Variants in CDC42BPA observed in about 807,000 individuals in gnomAD.
CDC42BPA encodes the protein CDC42 binding protein kinase alpha.
In CDC42BPA, 80 loss-of-function variants were observed where a neutral mutation model predicts 223.5. The ratio of observed to expected loss-of-function variants is 0.36; its 90% CI spans 0.30 to 0.43. The LOEUF (loss-of-function observed/expected upper bound fraction) is 0.43, where lower values mean the gene tolerates loss of function less well. CDC42BPA is among the 20% of genes least tolerant of loss of function. CDC42BPA has a pLI of 1.00. For synonymous variants in CDC42BPA, 694 were observed against 718.6 expected, an observed-to-expected ratio of 0.97 and a Z score of 0.55; for missense variants, 1,743 against 2,099.9, an observed-to-expected ratio of 0.83 and a Z score of 3.32.
At position 227,138,710 on chromosome 1, in the gene CDC42BPA, TAGTC is replaced by T. The variant is rs150160192; in HGVS notation, c.1390+862_1390+865del. ...AGTGTCTGTGAATCTGAATTAATAT[TAGTC>T]AGCACGTTGTGGGTGTTTTAAGCAA... On this transcript the variant is annotated intron_variant, in intron 10 of 36. Transcript: ENST00000366766. Among the ~76,000 whole-genome samples, 1,200 of 152,196 alleles carry T rather than the reference TAGTC, an allele frequency of 7.9e-3. 20 individuals carry two copies. Among genetic ancestry groups the T allele is most frequent in the African/African-American group, 0.027 (1,125 of 41,538 alleles).
chr1:227,186,043 C>T (rs1668726245), intron 5 of CDC42BPA, among the ~76,000 whole-genome samples: 1 of 152,204 alleles, frequency 6.6e-6, no homozygotes, highest in Non-Finnish European at 1.5e-5. Flanking sequence ...TGGAGAATCA[C>T]AACTTGGCAG....
At chr1:227,174,024 T>A (rs1407568319) in intron 5 of CDC42BPA, among the ~76,000 whole-genome samples, 1 of 152,086 alleles carries the variant, frequency 6.6e-6, no homozygotes, top group Non-Finnish European at 1.5e-5. Context: ...ATATTTATAT[T>A]TAAAAATTCC....
At position 227,009,620 on chromosome 1, in the gene CDC42BPA, T is replaced by C. The variant is rs372854768; in HGVS notation, c.4858-4509A>G. Among the ~76,000 whole-genome samples, 373 of 152,172 alleles carry C rather than the reference T, an allele frequency of 2.5e-3. 5 individuals carry two copies. The highest frequency in any genetic ancestry group is 8.1e-3 in the African/African-American group (337 of 41,524). On this transcript the variant is annotated intron_variant, in intron 34 of 36. Transcript: ENST00000366766. Reference sequence around the variant, plus strand: ...TGTAGAAATGGGGTCTCGCTATGGTTGCCCAGGCTTGTCTCAAACTCCTAG... The same window carrying C: ...TGTAGAAATGGGGTCTCGCTATGGTCGCCCAGGCTTGTCTCAAACTCCTAG...
intron 16 of CDC42BPA, among the ~76,000 whole-genome samples, chr1:227,089,441 CA>C (rs1303793648): frequency 2.6e-5 from 4 of 152,048 alleles, no homozygotes; most frequent in African/African-American, 9.7e-5. Flanking sequence ...AAAAATTGAA[CA>C]AAAGTTTGAG....
chr1:227,264,847 T>C, intron 1 of CDC42BPA: 2 of 1,526,002 alleles, frequency 1.3e-6, no homozygotes, highest in South Asian at 2.2e-5. Context: ...CTGTAATTCC[T>C]TCAGGTAAGT....
At chr1:227,125,660 T>C (rs950425687) in intron 11 of CDC42BPA, among the ~76,000 whole-genome samples, 2 of 149,608 alleles carry the variant, frequency 1.3e-5, no homozygotes, top group Non-Finnish European at 3.0e-5. Flanking sequence ...TAACCCTCAC[T>C]GGCTGACAAC....
chr1:227,243,300 C>A (rs1337573474), intron 2 of CDC42BPA, among the ~76,000 whole-genome samples: 1 of 152,188 alleles, frequency 6.6e-6, no homozygotes. Flanking sequence ...AACAAACCTG[C>A]AAGTGTACCC....
intron 1 of CDC42BPA, among the ~76,000 whole-genome samples, chr1:227,311,914 G>A (rs1335405682): frequency 6.6e-6 from 1 of 151,886 alleles, no homozygotes; most frequent in Non-Finnish European, 1.5e-5. Context: ...CCTTCACTAG[G>A]TTCTTGAGTA....
At chr1:227,231,309 G>A (rs972105771) in intron 2 of CDC42BPA, among the ~76,000 whole-genome samples, 2 of 152,044 alleles carry the variant, frequency 1.3e-5, no homozygotes, top group Non-Finnish European at 2.9e-5. Context: ...CAAAGGACAT[G>A]AACTCATCCT....
chr1:227,199,466 T>C (rs924888493), intron 4 of CDC42BPA, 91 bp downstream of exon 4: 1 of 767,876 alleles, frequency 1.3e-6, no homozygotes, highest in East Asian at 2.9e-5. Context: ...ATTTTCTATA[T>C]GAAACCTACA....
At chr1:227,092,286 A>G (rs1263866292) in intron 15 of CDC42BPA, among the ~76,000 whole-genome samples, 1 of 152,162 alleles carries the variant, frequency 6.6e-6, no homozygotes, top group Non-Finnish European at 1.5e-5. Flanking sequence ...CACAGAGCTT[A>G]TATTCTGGTA....
At chr1:227,066,818 C>G (rs1431236761) in intron 21 of CDC42BPA, among the ~76,000 whole-genome samples, 1 of 152,134 alleles carries the variant, frequency 6.6e-6, no homozygotes, top group East Asian at 1.9e-4. Context: ...CTTCAAACAA[C>G]ATTATGAGAT....
At chr1:227,047,378 T>G (rs1007348256) in intron 23 of CDC42BPA, among the ~76,000 whole-genome samples, 8 of 152,152 alleles carry the variant, frequency 5.3e-5, no homozygotes, top group African/African-American at 1.9e-4. Context: ...TTTTGTATAT[T>G]TTTTCAGGTC....
intron 16 of CDC42BPA, among the ~76,000 whole-genome samples, chr1:227,082,662 C>T (rs1031910406): frequency 7.5e-6 from 1 of 133,154 alleles, no homozygotes. Flanking sequence ...TTGCAGTGAG[C>T]TGAGATTGCG....
intron 14 of CDC42BPA, among the ~76,000 whole-genome samples, chr1:227,108,835 T>G (rs1242532801): frequency 6.6e-6 from 1 of 152,124 alleles, no homozygotes; most frequent in African/African-American, 2.4e-5. Flanking sequence ...TGAACATAAG[T>G]TGTACTTCCA....
chr1:227,195,164 T>C (rs1021592251), intron 4 of CDC42BPA, among the ~76,000 whole-genome samples: 3 of 152,218 alleles, frequency 2.0e-5, no homozygotes, highest in Admixed American at 1.3e-4. Context: ...GTCTTTGGCC[T>C]ACTTGCTGTA....
At chr1:227,044,600 G>A (rs1234016080) in intron 23 of CDC42BPA, among the ~76,000 whole-genome samples, 5 of 152,032 alleles carry the variant, frequency 3.3e-5, no homozygotes, top group Non-Finnish European at 5.9e-5. Flanking sequence ...CTATATGGGC[G>A]GGGCAGAGCT....
chr1:227,161,450 A>T (rs6426571), intron 5 of CDC42BPA, among the ~76,000 whole-genome samples: 127,881 of 151,862 alleles, frequency 0.84, 54,142 homozygotes, highest in Middle Eastern at 0.91. Flanking sequence ...TATATTTTTT[A>T]AAAAATTACA....
intron 1 of CDC42BPA, among the ~76,000 whole-genome samples, chr1:227,270,079 A>G (rs1339442722): frequency 6.6e-6 from 1 of 152,214 alleles, no homozygotes; most frequent in Non-Finnish European, 1.5e-5. Flanking sequence ...ACAAAACACT[A>G]TACCCACATA....
Sources: allele counts gnomAD v4.1 joint callset (sites outside exome capture counted in the v4.1 genomes callset), GRCh38; gene constraint gnomAD v4.1.1; transcripts MANE v1.5; gene names NCBI Gene and HGNC (gene_info 2026-07-23, HGNC 2026-07-21).